HAO1: variants seen among roughly 807,000 people sequenced by gnomAD.
HAO1 encodes the protein hydroxyacid oxidase 1, also known as 2-Hydroxyacid oxidase 1.
HAO1 carries 34 observed loss-of-function variants against 39.7 expected under a neutral mutation model. That is an observed-to-expected ratio of 0.86 (90% CI 0.65 to 1.14). The LOEUF is 1.14. HAO1 is among the 50% of genes most tolerant of loss of function. The pLI, the probability that HAO1 is intolerant of heterozygous loss-of-function variation, is 0.00. For synonymous variants in HAO1, 172 were observed against 173.2 expected (o/e 0.99, Z 0.05); for missense variants, 479 against 464.5 (o/e 1.03, Z -0.29).
intron 2 of HAO1, among the ~76,000 whole-genome samples, chr20:7,923,426 A>G (rs1361487383): frequency 6.6e-6 from 1 of 152,168 alleles, no homozygotes; most frequent in South Asian, 2.1e-4. Context: ...CATTGTGTAC[A>G]TAAATTTTAG....
At chr20:7,897,403 G>A (rs2122758852) in intron 4 of HAO1, among the ~76,000 whole-genome samples, 1 of 152,082 alleles carries the variant, frequency 6.6e-6, no homozygotes, top group East Asian at 1.9e-4. Flanking sequence ...CCTATCAGTT[G>A]GATATTGGAC....
At chr20:7,928,957 C>T (rs891694259) in intron 2 of HAO1, among the ~76,000 whole-genome samples, 1 of 152,192 alleles carries the variant, frequency 6.6e-6, no homozygotes, top group African/African-American at 2.4e-5. Context: ...CCCCACATCC[C>T]TGCTCCCTTG....
At chr20:7,911,669 G>A (rs906512955) in intron 3 of HAO1, among the ~76,000 whole-genome samples, 1 of 152,138 alleles carries the variant, frequency 6.6e-6, no homozygotes, top group African/African-American at 2.4e-5. Context: ...CTCTTGCTGG[G>A]CCCAGATGCC....
At chr20:7,892,415 G>T (rs2050178369) in intron 5 of HAO1, among the ~76,000 whole-genome samples, 1 of 152,120 alleles carries the variant, frequency 6.6e-6, no homozygotes, top group South Asian at 2.1e-4. Flanking sequence ...GACTTACTTG[G>T]TTCCTACCAT....
At chr20:7,931,908 G>A (rs1242832722) in intron 2 of HAO1, among the ~76,000 whole-genome samples, 1 of 152,142 alleles carries the variant, frequency 6.6e-6, no homozygotes, top group Non-Finnish European at 1.5e-5. Flanking sequence ...ACAAAACAGG[G>A]ACAGAAACAC....
At chr20:7,940,243 T>C (rs117358834) in intron 1 of HAO1, 43 bp downstream of exon 1, 2 of 1,492,236 alleles carry the variant, frequency 1.3e-6, no homozygotes, top group Non-Finnish European at 9.2e-7. Context: ...GTACGGTCTT[T>C]GTGTAATTTT....
chr20:7,905,496 C>T (rs11698761), intron 4 of HAO1, among the ~76,000 whole-genome samples: 6,712 of 152,136 alleles, frequency 0.044, 214 homozygotes, highest in Non-Finnish European at 0.068. Context: ...GGTTATATAC[C>T]ACAAAGGTTT....
intron 5 of HAO1, among the ~76,000 whole-genome samples, chr20:7,887,518 C>T (rs2050156042): frequency 6.6e-6 from 1 of 152,130 alleles, no homozygotes; most frequent in African/African-American, 2.4e-5. Flanking sequence ...GCTTTTCTGC[C>T]TTGCCAAACA....
chr20:7,931,479 G>A (rs1410892273), intron 2 of HAO1, among the ~76,000 whole-genome samples: 1 of 152,034 alleles, frequency 6.6e-6, no homozygotes, highest in African/African-American at 2.4e-5. Flanking sequence ...GCATCCCTAG[G>A]CAAGGTTATT....
chr20:7,937,646 T>G (rs958275076), intron 1 of HAO1, among the ~76,000 whole-genome samples: 1 of 151,306 alleles, frequency 6.6e-6, no homozygotes, highest in South Asian at 2.1e-4. Flanking sequence ...CTTCCATCAT[T>G]GATAATTTCA....
chr20:7,891,250 G>A (rs2050172982), intron 5 of HAO1, among the ~76,000 whole-genome samples: 1 of 152,162 alleles, frequency 6.6e-6, no homozygotes, highest in Non-Finnish European at 1.5e-5. Flanking sequence ...TCAGGAGTAA[G>A]GTGGTATCAC....
At chr20:7,921,789 A>T (rs1245272934) in intron 2 of HAO1, among the ~76,000 whole-genome samples, 1 of 152,184 alleles carries the variant, frequency 6.6e-6, no homozygotes, top group Non-Finnish European at 1.5e-5. Flanking sequence ...AAATAACAAA[A>T]TAATGTCCTT....
intron 2 of HAO1, among the ~76,000 whole-genome samples, chr20:7,930,931 A>G (rs2122796502): frequency 6.6e-6 from 1 of 152,290 alleles, no homozygotes; most frequent in East Asian, 1.9e-4. Context: ...TTTCCTTGCA[A>G]GTAACCCACT....
At chr20:7,893,634 A>T (rs1352897717) in intron 5 of HAO1, among the ~76,000 whole-genome samples, 1 of 152,154 alleles carries the variant, frequency 6.6e-6, no homozygotes, top group Admixed American at 6.5e-5. Context: ...TTCAACCAGG[A>T]ACTGACTCAG....
intron 4 of HAO1, among the ~76,000 whole-genome samples, chr20:7,897,630 G>C (rs1473204880): frequency 1.3e-5 from 2 of 151,520 alleles, no homozygotes; most frequent in Non-Finnish European, 2.9e-5. Flanking sequence ...CTAATCATTG[G>C]GAACTCTTCT....
chr20:7,938,617 G>A (rs1014705899), intron 1 of HAO1, among the ~76,000 whole-genome samples: 3 of 152,076 alleles, frequency 2.0e-5, no homozygotes, highest in Non-Finnish European at 2.9e-5. Context: ...ATTTTAAAGG[G>A]TTGCATAGGT....
chr20:7,920,689 C>A (rs2050327019), intron 2 of HAO1, among the ~76,000 whole-genome samples: 1 of 151,984 alleles, frequency 6.6e-6, no homozygotes, highest in Non-Finnish European at 1.5e-5. Context: ...TCTGTCTATC[C>A]ATGTTGTTAC....
rs1365932441 is a variant in HAO1, at chr20:7,896,615, A to G, written c.722-1391T>C. Among the ~76,000 whole-genome samples the G allele has an allele frequency of 2.0e-5, 3 of 152,150 alleles. No individual in the cohort carries two copies. In the East Asian group the frequency reaches 5.8e-4, roughly 29 times the overall value. Reference sequence around the variant, plus strand: ...TATATGCTATAGACTAAATATTTATATCCTCTCAAAATTTGTATTTTGAAG... The same window carrying G: ...TATATGCTATAGACTAAATATTTATGTCCTCTCAAAATTTGTATTTTGAAG... On this transcript the variant is annotated intron_variant, in intron 4 of 7. Coordinates refer to ENST00000378789, the MANE Select transcript of HAO1 (RefSeq NM_017545.3).
intron 2 of HAO1, among the ~76,000 whole-genome samples, chr20:7,930,875 G>A (rs2050382551): frequency 6.6e-6 from 1 of 152,086 alleles, no homozygotes; most frequent in South Asian, 2.1e-4. Context: ...AAGTAAGAAG[G>A]GAATACATGC....
Sources: gnomAD v4.1 joint callset for allele counts (sites outside exome capture counted in the v4.1 genomes callset) on GRCh38, gnomAD v4.1.1 for gene constraint, MANE v1.5 for transcripts, NCBI Gene and HGNC (gene_info 2026-07-23, HGNC 2026-07-21) for gene names.